FARP2: variants seen among roughly 807,000 people sequenced by gnomAD.
FARP2 encodes FERM, ARHGEF and pleckstrin domain-containing protein 2.
FARP2 carries 111 observed loss-of-function variants against 130.5 expected under a neutral mutation model. The observed-to-expected ratio is 0.85, with a 90% CI of 0.73 to 1.00. The LOEUF is 1.00. FARP2 is among the 50% of genes least tolerant of loss of function. The pLI is 0.00. For synonymous variants in FARP2, 504 were observed against 516.9 expected (o/e 0.98, Z 0.34); for missense variants, 1,385 against 1,346.3 (o/e 1.03, Z -0.45).
Position 241,404,837 on chromosome 2 carries a change from A to G in FARP2, c.327A>G (p.Ile109Met). 1.2e-6 allele frequency: 2 copies of G among 1,608,868 alleles called. No individual in the cohort carries two copies. The highest frequency in any genetic ancestry group is 1.7e-6 in the Non-Finnish European group (2 of 1,175,384). Reference protein sequence around the residue: ...LEPMKPIIRQIRRPKNVVLRL... With the variant: ...LEPMKPIIRQMRRPKNVVLRL... The stretch of plus-strand genomic sequence containing the variant: ...CTATGAAACCCATCATTAGGCAAAT[A>G]CGAAGTAAGTCCTTGGTTTGACTCT... Residue 109 changes from isoleucine to methionine, a missense_variant, in exon 4 of 27, where the codon ATA (isoleucine) becomes ATG (methionine). Coordinates refer to ENST00000264042, the MANE Select transcript of FARP2 (RefSeq NM_014808.4).
At chr2:241,408,987 A>G (rs529769555) in intron 5 of FARP2, among the ~76,000 whole-genome samples, 10 of 152,104 alleles carry the variant, frequency 6.6e-5, no homozygotes, top group Non-Finnish European at 1.2e-4. Flanking sequence ...ACCAAAAAAA[A>G]AGTCTCTTTT....
chr2:241,485,137 T>C (rs2064719750), intron 21 of FARP2, among the ~76,000 whole-genome samples: 1 of 151,882 alleles, frequency 6.6e-6, no homozygotes, highest in African/African-American at 2.4e-5. Context: ...CTCCTTGAGA[T>C]CCTCCCTTCT....
intron 2 of FARP2, among the ~76,000 whole-genome samples, chr2:241,393,276 TC>T (rs998255130): frequency 2.6e-5 from 4 of 152,110 alleles, no homozygotes; most frequent in African/African-American, 9.7e-5. Flanking sequence ...CGCCTCGGTC[TC>T]CCAAAGTGCT....
At chr2:241,435,396 A>G (rs1020531609) in intron 11 of FARP2, among the ~76,000 whole-genome samples, 4 of 151,208 alleles carry the variant, frequency 2.6e-5, no homozygotes, top group African/African-American at 9.7e-5. Flanking sequence ...GTGAGCCACC[A>G]TGCCCAGCCT....
chr2:241,465,407 G>C, intron 17 of FARP2: 1 of 1,420,518 alleles, frequency 7.0e-7, no homozygotes, highest in African/African-American at 1.4e-5. Context: ...GGAGGGCAGG[G>C]CCCTGGGACT....
intron 17 of FARP2, among the ~76,000 whole-genome samples, chr2:241,467,086 C>A (rs1045582238): frequency 6.6e-6 from 1 of 151,246 alleles, no homozygotes; most frequent in East Asian, 2.0e-4. Context: ...AAAACCCCAT[C>A]TCTACAAAAA....
chr2:241,477,008 T>C (rs997469008), intron 19 of FARP2, among the ~76,000 whole-genome samples: 16 of 152,318 alleles, frequency 1.1e-4, no homozygotes, highest in Non-Finnish European at 2.1e-4. Context: ...ATCTGCTTTC[T>C]GTCTCTAAGG....
Position 241,413,387 on chromosome 2 carries a change from C to T in FARP2, c.589C>T (p.Leu197Phe). Residue 197 changes from leucine (L) to phenylalanine (F), a missense_variant, in exon 7 of 27, where the codon CTT (leucine) becomes TTT (phenylalanine). Transcript: ENST00000264042. The part of the protein sequence containing the change: ...NEYLPGQQHC[L>F]EKILEFHQKH... Reference sequence around the variant, plus strand: ...GTATTTGCCTGGCCAGCAGCACTGCCTTGAGAAGATACTAGAATTCCATCA... The same window carrying T: ...GTATTTGCCTGGCCAGCAGCACTGCTTTGAGAAGATACTAGAATTCCATCA... The T allele has an allele frequency of 6.2e-7, 1 of 1,611,952 alleles. No individual in the cohort carries two copies. The highest frequency in any genetic ancestry group is 8.5e-7 in the Non-Finnish European group (1 of 1,179,164).
At chr2:241,466,676 T>A (rs1279538753) in intron 17 of FARP2, 4 of 689,096 alleles carry the variant, frequency 5.8e-6, no homozygotes, top group Admixed American at 4.2e-4. Context: ...CCGCCTTCAC[T>A]CCCCTTCCAA....
Position 241,484,315 on chromosome 2 carries a change from C to T in FARP2, c.2405C>T (p.Pro802Leu). Reference protein sequence around the residue: ...TSHFRIRGLLPLQGMLVEESD... With the variant: ...TSHFRIRGLLLLQGMLVEESD... ...CACTTCCGGATCCGGGGCCTCCTTC[C>T]CCTCCAAGGCATGCTGGTGAGTGGT... Residue 802 changes from proline to leucine, a missense_variant, in exon 21 of 27, where the codon CCC (proline) becomes CTC (leucine). By Grantham distance (98) the Pro-to-Leu change is moderately conservative. Coordinates refer to ENST00000264042, the MANE Select transcript of FARP2 (RefSeq NM_014808.4). 1 of 1,614,104 alleles carries T rather than the reference C, an allele frequency of 6.2e-7. No individual in the cohort carries two copies. The highest frequency in any genetic ancestry group is 8.5e-7 in the Non-Finnish European group (1 of 1,179,952).
At chr2:241,483,594 T>C (rs2064679785) in intron 20 of FARP2, 61 bp downstream of exon 20, 1 of 1,535,396 alleles carries the variant, frequency 6.5e-7, no homozygotes, top group South Asian at 1.1e-5. Flanking sequence ...GCAGTTCTGT[T>C]AGGGACATCG....
At chr2:241,387,759 C>T (rs2061821158) in intron 2 of FARP2, among the ~76,000 whole-genome samples, 1 of 144,550 alleles carries the variant, frequency 6.9e-6, no homozygotes, top group Non-Finnish European at 1.5e-5. Flanking sequence ...CACCACTGCA[C>T]TCCAGCCTGG....
At chr2:241,363,848 G>A (rs2061245281) in intron 1 of FARP2, among the ~76,000 whole-genome samples, 1 of 152,238 alleles carries the variant, frequency 6.6e-6, no homozygotes, top group Non-Finnish European at 1.5e-5. Flanking sequence ...AGAGTGTGAT[G>A]TTAAAAATGT....
chr2:241,368,869 AAGTCTT>A (rs1328659327), intron 1 of FARP2, among the ~76,000 whole-genome samples: 3 of 152,144 alleles, frequency 2.0e-5, no homozygotes, highest in Admixed American at 6.5e-5. Context: ...TCTTAAATAT[AAGTCTT>A]AGTCTTAATC....
At chr2:241,375,707 C>T (rs979016438) in intron 2 of FARP2, among the ~76,000 whole-genome samples, 10 of 152,128 alleles carry the variant, frequency 6.6e-5, no homozygotes, top group African/African-American at 2.2e-4. Context: ...GAACTTTTAT[C>T]TGAAGCAAAA....
At chr2:241,425,634 TAAAAAAAA>T (rs1167925220) in intron 8 of FARP2, among the ~76,000 whole-genome samples, 6 of 45,980 alleles carry the variant, frequency 1.3e-4, no homozygotes, top group Admixed American at 5.1e-4. Flanking sequence ...TCCTACCAAG[TAAAAAAAA>T]AAAAAAAAAA....
chr2:241,358,997 G>A (rs766024505), intron 1 of FARP2, among the ~76,000 whole-genome samples: 23 of 152,192 alleles, frequency 1.5e-4, no homozygotes, highest in Non-Finnish European at 2.9e-4. Flanking sequence ...GTAGGGTAGA[G>A]TACTCCATAG....
At chr2:241,398,041 C>T (rs975565183) in intron 2 of FARP2, among the ~76,000 whole-genome samples, 2 of 152,036 alleles carry the variant, frequency 1.3e-5, no homozygotes, top group Middle Eastern at 3.4e-3. Context: ...CCATGTTAGC[C>T]AGGATGGTCT....
chr2:241,462,592 G>A lies in FARP2; in HGVS notation c.1657G>A (p.Asp553Asn), dbSNP rs769664960. 9 of 1,612,188 alleles carry A rather than the reference G, an allele frequency of 5.6e-6. No individual in the cohort carries two copies. The highest frequency in any genetic ancestry group is 4.5e-5 in the East Asian group (2 of 44,894). The change falls in exon 15 of 27, where the codon GAT becomes AAT. Residue 553 changes from aspartate to asparagine, a missense_variant. Asp to Asn is a conservative substitution (Grantham distance 23). Transcript: ENST00000264042. ...ILATERTYLKDLEVITVWFRS... is the reference protein window; with the variant it reads ...ILATERTYLKNLEVITVWFRS... ...CGCTACAGAACGAACATACCTCAAG[G>A]ATTTAGAAGTTATTACCGTGGTACG...
Sources: gnomAD v4.1 joint callset for allele counts (sites outside exome capture counted in the v4.1 genomes callset) on GRCh38, gnomAD v4.1.1 for gene constraint, MANE v1.5 for transcripts, NCBI Gene and HGNC (gene_info 2026-07-23, HGNC 2026-07-21) for gene names.